Variants in PCDHGA3 observed in about 807,000 individuals in gnomAD.
PCDHGA3 encodes the protein protocadherin gamma-A3.
A neutral mutation model predicts 58.5 loss-of-function variants in PCDHGA3; 40 were observed. That is an observed-to-expected ratio of 0.68 (90% CI 0.53 to 0.89). The LOEUF is 0.89. Ranked by LOEUF, PCDHGA3 falls within the 40% of genes least tolerant of loss-of-function variation. The pLI is 0.00. For synonymous variants in PCDHGA3, 530 were observed against 525.7 expected (o/e 1.01, Z -0.11); for missense variants, 1,223 against 1,195.9 (o/e 1.02, Z -0.33).
chr5:141,507,631 C>A (rs1435446169), intron 3 of PCDHGA3, among the ~76,000 whole-genome samples: 1 of 152,236 alleles, frequency 6.6e-6, no homozygotes, highest in Non-Finnish European at 1.5e-5. Context: ...TGTGGCCTTG[C>A]GCCCTGAGGC....
At chr5:141,396,562 G>C (rs2150669769) in intron 1 of PCDHGA3, 1 of 152,144 alleles carries the variant, frequency 6.6e-6, no homozygotes, top group South Asian at 2.1e-4. Context: ...GGAGGTTGCA[G>C]TGAGCCTCGA....
chr5:141,491,861 C>A lies in PCDHGA3; in HGVS notation c.2425-2946C>A. ...GGATCATTGGACCGTTTGCGCGAAA[C>A]CAGAGTGGCCGATTAAGGGATGGGG... On this transcript the variant is annotated intron_variant, in intron 1 of 3. Transcript: ENST00000253812. The surrounding 1 kb of genome is among the most constrained non-coding windows in gnomAD (Gnocchi z 6.9). 6.9e-7 allele frequency: 1 copy of A among 1,455,272 alleles called. No homozygotes were observed. The highest frequency in any genetic ancestry group is 9.1e-7 in the Non-Finnish European group (1 of 1,100,930). The allele number at this position is 1,455,272 out of a possible 1,614,324, so 90.1% of individuals were successfully genotyped here.
Position 141,346,102 on chromosome 5 carries a change from C to T in PCDHGA3, c.2069C>T (p.Thr690Ile), listed in dbSNP as rs1221355355. 6.2e-7 allele frequency: 1 copy of T among 1,613,834 alleles called. No homozygotes were observed. Among genetic ancestry groups the T allele is most frequent in the Admixed American group, 1.7e-5 (1 of 60,020 alleles). ...PSAKPNDSDL[T>I]LYLVVAVAAV... Reference sequence around the variant, plus strand: ...GCCAAACCCAACGATTCGGACCTCACTCTGTACCTGGTGGTGGCGGTGGCC... The same window carrying T: ...GCCAAACCCAACGATTCGGACCTCATTCTGTACCTGGTGGTGGCGGTGGCC... Residue 690 changes from threonine (T) to isoleucine (I), a missense_variant, in exon 1 of 4, where the codon ACT becomes ATT. By Grantham distance (89) the Thr-to-Ile change is moderately conservative (BLOSUM62 -1). Around this residue, in one of 3 missense-constraint regions of PCDHGA3, gnomAD observed 325 missense variants for 327.5 expected, o/e 0.99. Transcript: ENST00000253812.
In PCDHGA3 at chr5:141,491,771, G is replaced by C. The variant is rs760915700; in HGVS notation, c.2425-3036G>C. ...GGAGAAGCCGCCCGTCCTCATAAGG[G>C]ATTGAACTTGCATCCACTCCTCTCC... On this transcript the variant is annotated intron_variant, in intron 1 of 3. Coordinates refer to ENST00000253812, the MANE Select transcript of PCDHGA3 (RefSeq NM_018916.4). The surrounding 1 kb of genome is among the most constrained non-coding windows in gnomAD (Gnocchi z 6.9). 6.4e-7 allele frequency: 1 copy of C among 1,558,290 alleles called. No individual in the cohort carries two copies. Among genetic ancestry groups the C allele is most frequent in the Non-Finnish European group, 8.7e-7 (1 of 1,153,586 alleles).
chr5:141,422,842 G>A (rs756990417), intron 1 of PCDHGA3: 5 of 1,614,228 alleles, frequency 3.1e-6, no homozygotes, highest in South Asian at 1.1e-5. Flanking sequence ...ACGTGACAGC[G>A]GGGACCCGCC....
chr5:141,427,435 T>G, intron 1 of PCDHGA3: 1 of 474,160 alleles, frequency 2.1e-6, no homozygotes, highest in Non-Finnish European at 4.2e-6. Context: ...ACATGCCTCA[T>G]AAACGAAAGA....
chr5:141,410,158 G>T (rs755466762), intron 1 of PCDHGA3: 2 of 1,613,516 alleles, frequency 1.2e-6, no homozygotes, highest in Non-Finnish European at 8.5e-7. Context: ...GTGGACAGCC[G>T]CCACTCTCTG....
rs1472806327 is a variant in PCDHGA3 at position 141,447,891 on chromosome 5, G to C, written c.2425-46916G>C. Among the ~76,000 whole-genome samples the C allele has an allele frequency of 1.3e-5, 2 of 152,080 alleles. 1 individual carries two copies. Among genetic ancestry groups the C allele is most frequent in the African/African-American group, 4.8e-5 (2 of 41,408 alleles). On this transcript the variant is annotated intron_variant, in intron 1 of 3. Coordinates refer to ENST00000253812, the MANE Select transcript of PCDHGA3 (RefSeq NM_018916.4). Reference sequence around the variant, plus strand: ...ATCTGAGGTCAGGAGTTCGAGACCAGCCTGGCCAACATGGTGAAACTCTGT... The same window carrying C: ...ATCTGAGGTCAGGAGTTCGAGACCACCCTGGCCAACATGGTGAAACTCTGT...
intron 1 of PCDHGA3, chr5:141,414,279 A>G (rs1369675815): frequency 1.9e-6 from 3 of 1,613,350 alleles, no homozygotes; most frequent in Admixed American, 3.3e-5. Context: ...CTCTGGGAAC[A>G]GTCGTAGCCC....
chr5:141,486,452 G>T lies in PCDHGA3; in HGVS notation c.2425-8355G>T. 6.2e-7 allele frequency: 1 copy of T among 1,614,152 alleles called. No homozygotes were observed. Among genetic ancestry groups the T allele is most frequent in the Non-Finnish European group, 8.5e-7 (1 of 1,179,996 alleles). Reference sequence around the variant, plus strand: ...ATCTAGCTATGACATCATGGTCACTGCTTCTGATGCTGGGAACCCTCCTCT... The same window carrying T: ...ATCTAGCTATGACATCATGGTCACTTCTTCTGATGCTGGGAACCCTCCTCT... On this transcript the variant is annotated intron_variant, in intron 1 of 3. Coordinates refer to ENST00000253812, the MANE Select transcript of PCDHGA3 (RefSeq NM_018916.4). This position sits in a 1 kb window ranked among gnomAD's most constrained non-coding sequence, Gnocchi z 5.0.
chr5:141,435,296 T>A (rs545583818), intron 1 of PCDHGA3, among the ~76,000 whole-genome samples: 44 of 152,328 alleles, frequency 2.9e-4, no homozygotes, highest in African/African-American at 9.9e-4. Context: ...AGTCATTTCA[T>A]GGTTTTAAAT....
chr5:141,490,232 A>G lies in PCDHGA3; in HGVS notation c.2425-4575A>G. 6.2e-7 allele frequency: 1 copy of G among 1,614,216 alleles called. No homozygotes were observed. Among genetic ancestry groups the G allele is most frequent in the Non-Finnish European group, 8.5e-7 (1 of 1,180,032 alleles). ...CGTGACCAGGGACAGCCTGCCATGG[A>G]GGGCCACTGTGTGATTCAAGTGGAT... On this transcript the variant is annotated intron_variant, in intron 1 of 3. Transcript: ENST00000253812. This position sits in a 1 kb window ranked among gnomAD's most constrained non-coding sequence, Gnocchi z 5.4.
intron 1 of PCDHGA3, chr5:141,361,799 T>A (rs929369339): frequency 1.2e-6 from 2 of 1,613,184 alleles, no homozygotes; most frequent in Middle Eastern, 1.7e-4. Context: ...GTGGGCGACC[T>A]CAATGACAAT....
chr5:141,414,723 C>A (rs775890033), intron 1 of PCDHGA3: 2 of 1,614,170 alleles, frequency 1.2e-6, no homozygotes, highest in South Asian at 2.2e-5. Flanking sequence ...CAGACACTGG[C>A]GTCCTGTATG....
At chr5:141,483,757 C>T (rs895694800) in intron 1 of PCDHGA3, among the ~76,000 whole-genome samples, 1 of 151,984 alleles carries the variant, frequency 6.6e-6, no homozygotes, top group Non-Finnish European at 1.5e-5. Flanking sequence ...AGGATCGAGG[C>T]TTGGAAAAAT....
chr5:141,430,245 G>C (rs1000418420), intron 1 of PCDHGA3, among the ~76,000 whole-genome samples: 1 of 104,402 alleles, frequency 9.6e-6, no homozygotes, highest in African/African-American at 6.4e-5. Flanking sequence ...GAAACTCCTA[G>C]GGAGACATCT....
Position 141,344,138 on chromosome 5 carries a change from G to A in PCDHGA3, c.105G>A (p.Val35=), listed in dbSNP as rs1189053152. The change falls in exon 1 of 4, where the codon GTG becomes GTA. Residue 35 remains valine (V), a synonymous_variant. Coordinates refer to ENST00000253812, the MANE Select transcript of PCDHGA3 (RefSeq NM_018916.4). ...ETGSGQIRYS[V]SEELDKGSFV... Reference sequence around the variant, plus strand: ...GATCCGGTCAGATCCGCTACTCGGTGTCTGAGGAGCTAGATAAAGGTTCCT... The same window carrying A: ...GATCCGGTCAGATCCGCTACTCGGTATCTGAGGAGCTAGATAAAGGTTCCT... The A allele has an allele frequency of 5.0e-6, 8 of 1,614,026 alleles. No homozygotes were observed. Among genetic ancestry groups the A allele is most frequent in the Admixed American group, 1.7e-5 (1 of 60,034 alleles).
intron 1 of PCDHGA3, chr5:141,394,218 G>C: frequency 6.2e-7 from 1 of 1,613,918 alleles, no homozygotes; most frequent in Non-Finnish European, 8.5e-7. Context: ...CCTGAGAGGA[G>C]CCTCCATCTT....
chr5:141,488,985 C>G lies in PCDHGA3; in HGVS notation c.2425-5822C>G, dbSNP rs574857958. On this transcript the variant is annotated intron_variant, in intron 1 of 3. Transcript: ENST00000253812. ...ACTTTTTGGCCAATCAGACTCAGAG[C>G]TGAGGTGGGAGATCTGCTCTTCCAG... The G allele has an allele frequency of 7.4e-6, 3 of 405,188 alleles. No homozygotes were observed. In the South Asian group the frequency reaches 2.4e-4, roughly 32 times the overall value. The allele number at this position is 405,188 out of a possible 1,614,324, so 25.1% of individuals were successfully genotyped here.
Sources: gnomAD v4.1 joint callset for allele counts (sites outside exome capture counted in the v4.1 genomes callset) on GRCh38, gnomAD v4.1.1 for gene constraint, gnomAD v4.1.1 regional missense constraint, Gnocchi (gnomAD v3.1) non-coding constraint, MANE v1.5 for transcripts, NCBI Gene and HGNC (gene_info 2026-07-23, HGNC 2026-07-21) for gene names.